The following FOCAD variants were observed in gnomAD, a reference collection of about 807,000 sequenced individuals.
FOCAD encodes the protein focadhesin, also known as KIAA1797.
Under a neutral mutation model 225.6 loss-of-function variants are expected in FOCAD, and 198 were observed. That is an observed-to-expected ratio of 0.88 (90% CI 0.78 to 0.99). The LOEUF (loss-of-function observed/expected upper bound fraction) is 0.99, where lower values mean the gene tolerates loss of function less well. Ranked by LOEUF, FOCAD falls within the 50% of genes least tolerant of loss-of-function variation. FOCAD has a pLI of 0.00. For synonymous variants in FOCAD, 897 were observed against 755.0 expected (o/e 1.19, Z -3.08); for missense variants, 2,713 against 2,123.6 (o/e 1.28, Z -5.46).
chr9:20,958,381 T>G (rs1838392513), intron 35 of FOCAD, among the ~76,000 whole-genome samples: 2 of 150,810 alleles, frequency 1.3e-5, no homozygotes, highest in African/African-American at 4.9e-5. Flanking sequence ...GTTTTTTTTT[T>G]AAGTAAATTT....
At chr9:20,819,148 T>A (rs1824047283) in intron 11 of FOCAD, among the ~76,000 whole-genome samples, 1 of 152,180 alleles carries the variant, frequency 6.6e-6, no homozygotes, top group Non-Finnish European at 1.5e-5. Flanking sequence ...TTATGTGAAA[T>A]TTTATTGTTT....
Position 20,874,817 on chromosome 9 carries a change from A to G in FOCAD, c.2317+10A>G, listed in dbSNP as rs1288726776. The G allele has an allele frequency of 6.2e-7, 1 of 1,613,310 alleles. No homozygotes were observed. The highest frequency in any genetic ancestry group is 1.7e-5 in the Admixed American group (1 of 59,982). ...CCTTTGGTTTTACCAGGTGACTCCT[A>G]TTTGGTAGTAGAGAAGCTAGCATTT... On this transcript the variant is annotated intron_variant, in intron 19 of 43. Coordinates refer to ENST00000338382, the MANE Select transcript of FOCAD (RefSeq NM_001375567.1).
Position 20,758,211 on chromosome 9 carries a change from T to C in FOCAD, c.494+20T>C, listed in dbSNP as rs1376604186. On this transcript the variant is annotated intron_variant, in intron 6 of 43. Transcript: ENST00000338382. Reference sequence around the variant, plus strand: ...TGAAAGGTAATGTAAAATAAAAGTGTAAAATAAAGTGAGGGAGACAGAATG... The same window carrying C: ...TGAAAGGTAATGTAAAATAAAAGTGCAAAATAAAGTGAGGGAGACAGAATG... 1.3e-6 allele frequency: 2 copies of C among 1,564,734 alleles called. No homozygotes were observed. The highest frequency in any genetic ancestry group is 1.8e-6 in the Non-Finnish European group (2 of 1,141,166).
intron 5 of FOCAD, among the ~76,000 whole-genome samples, chr9:20,747,718 G>A (rs1828170672): frequency 1.3e-5 from 2 of 151,662 alleles, no homozygotes; most frequent in Non-Finnish European, 2.9e-5. Context: ...TTTCATTCAT[G>A]TTGTAGCATG....
intron 21 of FOCAD, among the ~76,000 whole-genome samples, chr9:20,903,444 T>C (rs1832711694): frequency 6.6e-6 from 1 of 151,932 alleles, no homozygotes; most frequent in Non-Finnish European, 1.5e-5. Flanking sequence ...CTACAGTCTA[T>C]TGTCAACAGA....
intron 2 of FOCAD, among the ~76,000 whole-genome samples, chr9:20,716,836 C>T (rs1034281432): frequency 2.0e-5 from 3 of 152,132 alleles, no homozygotes; most frequent in East Asian, 1.9e-4. Flanking sequence ...ATTTTCTACA[C>T]GAGTCTAAAA....
intron 42 of FOCAD, among the ~76,000 whole-genome samples, chr9:20,991,561 C>T (rs779866067): frequency 3.9e-5 from 6 of 152,100 alleles, no homozygotes; most frequent in Admixed American, 6.5e-5. Flanking sequence ...ACCTAGAATC[C>T]CAGCACTTTG....
chr9:20,737,848 C>T (rs10511689), intron 4 of FOCAD, among the ~76,000 whole-genome samples: 1 of 152,048 alleles, frequency 6.6e-6, no homozygotes, highest in African/African-American at 2.4e-5. Context: ...ATCCCATAGA[C>T]CTTCAGAGGA....
In FOCAD at chr9:20,956,310, G is replaced by A. The variant is rs566424962; in HGVS notation, c.4132+3245G>A. Among the ~76,000 whole-genome samples, 3 of 152,270 alleles carry A rather than the reference G, an allele frequency of 2.0e-5. No homozygotes were observed. In the East Asian group the frequency reaches 5.8e-4, roughly 29 times the overall value. On this transcript the variant is annotated intron_variant, in intron 35 of 43. Transcript: ENST00000338382. The stretch of plus-strand genomic sequence containing the variant: ...ATGGAGTTGGTTGCCAAGGTTATGT[G>A]TGATTTTTGAGTATTTTAATTTAGA...
chr9:20,734,413 G>T (rs748979381), intron 4 of FOCAD, among the ~76,000 whole-genome samples: 37 of 152,172 alleles, frequency 2.4e-4, no homozygotes, highest in Non-Finnish European at 4.9e-4. Context: ...CATATGCCAA[G>T]TGTTTTAGAA....
intron 27 of FOCAD, among the ~76,000 whole-genome samples, chr9:20,931,848 ATGT>A (rs1353428903): frequency 4.1e-5 from 6 of 144,832 alleles, no homozygotes; most frequent in Non-Finnish European, 9.0e-5. Flanking sequence ...CAGTGAGCTG[ATGT>A]TGTGCCACTG....
intron 15 of FOCAD, among the ~76,000 whole-genome samples, chr9:20,856,293 A>G (rs1828175140): frequency 6.6e-6 from 1 of 151,918 alleles, no homozygotes; most frequent in Non-Finnish European, 1.5e-5. Flanking sequence ...AAAGCATTTT[A>G]ACTGTGGTGA....
At position 20,988,329 on chromosome 9, in the gene FOCAD, C is replaced by T; in HGVS notation, c.4907-3C>T. The T allele has an allele frequency of 6.3e-7, 1 of 1,586,198 alleles. No homozygotes were observed. Among genetic ancestry groups the T allele is most frequent in the South Asian group, 1.1e-5 (1 of 88,840 alleles). On this transcript the variant is annotated splice_region_variant and splice_polypyrimidine_tract_variant and intron_variant, in intron 40 of 43. Coordinates refer to ENST00000338382, the MANE Select transcript of FOCAD (RefSeq NM_001375567.1). ...TAGTAAGAAAATACCCTTTTCATTT[C>T]AGGCGTTTTGAAGAGAATGGAGTGG... is the stretch of plus-strand genomic sequence containing the variant.
intron 35 of FOCAD, among the ~76,000 whole-genome samples, chr9:20,962,631 G>T (rs899113599): frequency 6.6e-6 from 1 of 152,170 alleles, no homozygotes; most frequent in African/African-American, 2.4e-5. Context: ...GTGGCATTGA[G>T]ATCTGATCCT....
chr9:20,811,476 T>C (rs1431783864), intron 11 of FOCAD, among the ~76,000 whole-genome samples: 1 of 152,100 alleles, frequency 6.6e-6, no homozygotes, highest in African/African-American at 2.4e-5. Context: ...TATAGAAAGA[T>C]TGTCTGGTTG....
At chr9:20,695,433 T>C (rs2131369599) in intron 1 of FOCAD, among the ~76,000 whole-genome samples, 1 of 152,318 alleles carries the variant, frequency 6.6e-6, no homozygotes, top group Non-Finnish European at 1.5e-5. Context: ...AGTAACTTCA[T>C]ATTGGTAAAG....
chr9:20,990,538 T>A (rs142830603), intron 42 of FOCAD, among the ~76,000 whole-genome samples, 164 bp downstream of exon 42: 1 of 152,242 alleles, frequency 6.6e-6, no homozygotes, highest in Admixed American at 6.5e-5. Context: ...AGATTGAGGC[T>A]AGCCCAGGCT....
intron 23 of FOCAD, among the ~76,000 whole-genome samples, chr9:20,915,535 C>T (rs189567596): frequency 2.6e-5 from 4 of 152,158 alleles, no homozygotes; most frequent in Non-Finnish European, 5.9e-5. Flanking sequence ...AATTGGTGGT[C>T]ATGACAGGAG....
chr9:20,854,882 C>T (rs533553278), intron 15 of FOCAD, among the ~76,000 whole-genome samples: 25 of 151,844 alleles, frequency 1.6e-4, no homozygotes, highest in Middle Eastern at 3.4e-3. Flanking sequence ...TGTAGGCTGG[C>T]AGTTTCCTTA....
Sources: allele counts gnomAD v4.1 joint callset (sites outside exome capture counted in the v4.1 genomes callset), GRCh38; gene constraint gnomAD v4.1.1; transcripts MANE v1.5; gene names NCBI Gene and HGNC (gene_info 2026-07-23, HGNC 2026-07-21).